Variants in ATP8A1 observed in about 807,000 individuals in gnomAD.
ATP8A1 encodes ATPase phospholipid transporting 8A1.
A neutral mutation model predicts 177.7 loss-of-function variants in ATP8A1; 90 were observed. The ratio of observed to expected loss-of-function variants is 0.51; its 90% CI spans 0.43 to 0.60. The LOEUF is 0.60. ATP8A1 is among the 20% of genes least tolerant of loss of function. The pLI is 0.00. For missense variants in ATP8A1, 1,072 were observed against 1,392.8 expected, an observed-to-expected ratio of 0.77 and a Z score of 3.67; for synonymous variants, 493 against 485.9, an observed-to-expected ratio of 1.01 and a Z score of -0.19.
At chr4:42,549,309 T>C (rs1729251903) in intron 18 of ATP8A1, among the ~76,000 whole-genome samples, 1 of 152,018 alleles carries the variant, frequency 6.6e-6, no homozygotes, top group African/African-American at 2.4e-5. Flanking sequence ...ATATAACCTG[T>C]CCAGACAAGA....
chr4:42,573,278 ATT>A (rs1345821204), intron 14 of ATP8A1, among the ~76,000 whole-genome samples: 5 of 152,202 alleles, frequency 3.3e-5, no homozygotes, highest in Admixed American at 2.6e-4. Context: ...TGAATACAGA[ATT>A]TGTGTAAAAA....
chr4:42,505,829 T>A (rs1724306189), intron 23 of ATP8A1, among the ~76,000 whole-genome samples: 1 of 152,252 alleles, frequency 6.6e-6, no homozygotes, highest in African/African-American at 2.4e-5. Flanking sequence ...TGGGTGGAGT[T>A]TTGTATGTAA....
intron 6 of ATP8A1, among the ~76,000 whole-genome samples, chr4:42,592,568 T>A (rs1734292885): frequency 6.6e-6 from 1 of 152,114 alleles, no homozygotes; most frequent in Non-Finnish European, 1.5e-5. Context: ...AACAATACTT[T>A]CCCAAATTGT....
In ATP8A1 at chr4:42,617,279, A is replaced by G. The variant is rs185464648; in HGVS notation, c.364-1201T>C. Among the ~76,000 whole-genome samples the G allele has an allele frequency of 2.9e-3, 445 of 152,312 alleles. 6 individuals carry two copies. Among genetic ancestry groups the G allele is most frequent in the Admixed American group, 0.024 (361 of 15,300 alleles). On this transcript the variant is annotated intron_variant, in intron 4 of 36. Coordinates refer to ENST00000381668, the MANE Select transcript of ATP8A1 (RefSeq NM_006095.2). ...GAACTGCACAAAATGCAAACAAAAC[A>G]TTCAAAATGCCTCTGCGAAAGAATT...
chr4:42,507,792 A>AG (rs1724574852), intron 22 of ATP8A1, among the ~76,000 whole-genome samples: 1 of 137,752 alleles, frequency 7.3e-6, no homozygotes, highest in Admixed American at 7.3e-5. Flanking sequence ...AAAAAAAAAA[A>AG]AAAAAAAAAA....
chr4:42,426,068 G>C (rs1460421472), intron 33 of ATP8A1, among the ~76,000 whole-genome samples: 1 of 152,178 alleles, frequency 6.6e-6, no homozygotes, highest in Non-Finnish European at 1.5e-5. Flanking sequence ...TTGCAGAAGA[G>C]GAATTGTTCT....
chr4:42,482,707 G>T (rs1208515664), intron 25 of ATP8A1, among the ~76,000 whole-genome samples: 1 of 152,196 alleles, frequency 6.6e-6, no homozygotes, highest in Non-Finnish European at 1.5e-5. Context: ...TGGGAAGAAA[G>T]TGGCTGATGC....
intron 13 of ATP8A1, 45 bp from the exon 14 acceptor site, chr4:42,574,752 T>C (rs1209282511): frequency 7.3e-7 from 1 of 1,374,174 alleles, no homozygotes; most frequent in Non-Finnish European, 1.0e-6. Context: ...AAAGTCTTTA[T>C]GCCACTCTTT....
At chr4:42,564,440 T>C (rs1392700902) in intron 15 of ATP8A1, among the ~76,000 whole-genome samples, 1 of 152,192 alleles carries the variant, frequency 6.6e-6, no homozygotes, top group Admixed American at 6.5e-5. Context: ...GGGGTGGAGC[T>C]GCCCAAGGCA....
intron 24 of ATP8A1, among the ~76,000 whole-genome samples, chr4:42,497,306 T>C (rs1397823602): frequency 6.6e-6 from 1 of 152,166 alleles, no homozygotes; most frequent in Non-Finnish European, 1.5e-5. Context: ...TACTGGCACA[T>C]AGTAGGTTTC....
intron 9 of ATP8A1, among the ~76,000 whole-genome samples, chr4:42,583,057 G>T (rs943316920): frequency 1.2e-4 from 18 of 152,300 alleles, no homozygotes; most frequent in African/African-American, 4.3e-4. Flanking sequence ...AGACAACACA[G>T]AACTTCTTTG....
In ATP8A1 at chr4:42,409,559, T is replaced by C. The variant is rs1189823886; in HGVS notation, c.*3357A>G. On this transcript the variant is annotated 3_prime_UTR_variant, in exon 37 of 37. Coordinates refer to ENST00000381668, the MANE Select transcript of ATP8A1 (RefSeq NM_006095.2). ...CTGGGCACTTTCTCCATAAATTTTGTAGATGACTATTTGTAAGATTATACA... is the reference window on the plus strand; with the variant it reads ...CTGGGCACTTTCTCCATAAATTTTGCAGATGACTATTTGTAAGATTATACA... The C allele has an allele frequency of 6.6e-6, 1 of 152,164 alleles. No individual in the cohort carries two copies. The allele number at this position is 152,164 out of a possible 1,614,324, so 9.4% of individuals were successfully genotyped here.
intron 22 of ATP8A1, 113 bp from the exon 23 acceptor site, chr4:42,507,267 C>A: frequency 8.9e-7 from 1 of 1,126,590 alleles, no homozygotes; most frequent in Non-Finnish European, 1.3e-6. Context: ...AATTCATGGA[C>A]TTTGGTGTAA....
rs1487391407 is a variant in ATP8A1, at chr4:42,411,988, CAT to C, written c.*926_*927del. The C allele has an allele frequency of 6.6e-6, 1 of 152,176 alleles. No homozygotes were observed. The highest frequency in any genetic ancestry group is 2.4e-5 in the African/African-American group (1 of 41,450). 9.4% of individuals were successfully genotyped at this position (152,176 alleles called of 1,614,324 possible). Reference sequence around the variant, plus strand: ...TTGGAAATCCCACGTAAATACGTAGCATATGTTTCTTAAGAGGAAAAACTTTA... The same window carrying C: ...TTGGAAATCCCACGTAAATACGTAGCATGTTTCTTAAGAGGAAAAACTTTA... On this transcript the variant is annotated 3_prime_UTR_variant, in exon 37 of 37. Coordinates refer to ENST00000381668, the MANE Select transcript of ATP8A1 (RefSeq NM_006095.2).
intron 18 of ATP8A1, among the ~76,000 whole-genome samples, chr4:42,549,899 A>G (rs1392724465): frequency 2.0e-5 from 3 of 152,230 alleles, no homozygotes; most frequent in African/African-American, 4.8e-5. Flanking sequence ...CAGGTAAAAT[A>G]GAAGGCAATA....
chr4:42,474,255 A>G (rs961823447), intron 25 of ATP8A1, among the ~76,000 whole-genome samples: 1 of 152,126 alleles, frequency 6.6e-6, no homozygotes, highest in African/African-American at 2.4e-5. Flanking sequence ...CATGGAGGAA[A>G]AGAGTGGCAT....
At chr4:42,608,307 C>G (rs1180646068) in intron 5 of ATP8A1, among the ~76,000 whole-genome samples, 1 of 147,352 alleles carries the variant, frequency 6.8e-6, no homozygotes, top group African/African-American at 2.5e-5. Context: ...GAATGGTCTA[C>G]CACTGGGGCC....
chr4:42,557,895 TAGTC>T (rs1321150386), intron 15 of ATP8A1, among the ~76,000 whole-genome samples: 1 of 151,714 alleles, frequency 6.6e-6, no homozygotes, highest in Admixed American at 6.6e-5. Flanking sequence ...ATATAAAAAT[TAGTC>T]AGGTGTGGTC....
At chr4:42,586,666 C>T (rs1338411973) in intron 8 of ATP8A1, among the ~76,000 whole-genome samples, 190 bp from the exon 9 acceptor site, 5 of 152,182 alleles carry the variant, frequency 3.3e-5, no homozygotes, top group East Asian at 1.9e-4. Flanking sequence ...AGGTTTTTAG[C>T]GCAAGAATAG....
Sources: gnomAD v4.1 joint callset for allele counts (sites outside exome capture counted in the v4.1 genomes callset) on GRCh38, gnomAD v4.1.1 for gene constraint, MANE v1.5 for transcripts, NCBI Gene and HGNC (gene_info 2026-07-23, HGNC 2026-07-21) for gene names.